Variants in ATP11C observed in about 807,000 individuals in gnomAD.
The protein encoded by ATP11C is phospholipid-transporting ATPase IG.
A neutral mutation model predicts 97.4 loss-of-function variants in ATP11C; 36 were observed. That is an observed-to-expected ratio of 0.37 (90% CI 0.28 to 0.49). The LOEUF (loss-of-function observed/expected upper bound fraction) is 0.49. Among genes scored for constraint, ATP11C ranks in the 20% least tolerant of loss-of-function variants. The probability of loss-of-function intolerance (pLI) is 0.98; values close to 1 mark genes in which losing one functional copy is unlikely to be tolerated. For synonymous variants in ATP11C, 275 were observed against 290.9 expected, an observed-to-expected ratio of 0.95 and a Z score of 0.56; for missense variants, 730 against 824.6, an observed-to-expected ratio of 0.89 and a Z score of 1.40.
chrX:139,742,665 T>C (rs1051297348), intron 26 of ATP11C, among the ~76,000 whole-genome samples: 4 of 109,312 alleles, frequency 3.7e-5, no homozygotes, highest in Non-Finnish European at 7.6e-5. Context: ...GATTCCCAAA[T>C]CATGGGCCTC....
chrX:139,913,147 T>G (rs1041864359), intron 1 of ATP11C, among the ~76,000 whole-genome samples: 1 of 111,557 alleles, frequency 9.0e-6, no homozygotes, highest in Non-Finnish European at 1.9e-5. Flanking sequence ...ATTCTGCAAC[T>G]AATTAATTGT....
chrX:139,836,107 C>T (rs1461838352), intron 1 of ATP11C, among the ~76,000 whole-genome samples: 1 of 106,846 alleles, frequency 9.4e-6, no homozygotes, highest in Non-Finnish European at 1.9e-5. Flanking sequence ...TCAGCCTAGT[C>T]CCCTAAAACA....
chrX:139,832,191 C>A, intron 1 of ATP11C: 1 of 1,207,297 alleles, frequency 8.3e-7, no homozygotes, highest in Non-Finnish European at 1.1e-6. Context: ...CATCTGCATA[C>A]TGACATGCAG....
intron 6 of ATP11C, among the ~76,000 whole-genome samples, chrX:139,803,436 G>A (rs745760060): frequency 8.1e-5 from 9 of 110,743 alleles, no homozygotes; most frequent in African/African-American, 2.6e-4. Context: ...ACCCAGAGGT[G>A]AGCCACATGA....
intron 1 of ATP11C, among the ~76,000 whole-genome samples, chrX:139,917,914 A>G (rs2085179028): frequency 1.0e-5 from 1 of 97,410 alleles, no homozygotes; most frequent in South Asian, 5.9e-4. Flanking sequence ...AGAGATCGCA[A>G]TACTGCACTT....
chrX:139,830,121 T>C (rs1340989009), intron 1 of ATP11C, among the ~76,000 whole-genome samples: 1 of 112,165 alleles, frequency 8.9e-6, no homozygotes, highest in Non-Finnish European at 1.9e-5. Flanking sequence ...TCCTTTCCAT[T>C]TGCTGGCAAA....
intron 21 of ATP11C, among the ~76,000 whole-genome samples, chrX:139,762,372 T>C (rs1410611262): frequency 8.9e-6 from 1 of 111,943 alleles, no homozygotes; most frequent in Non-Finnish European, 1.9e-5. Flanking sequence ...GTAAAAATTA[T>C]CTGAAGAAAA....
At chrX:139,773,232 AC>A (rs1268618194) in intron 19 of ATP11C, among the ~76,000 whole-genome samples, 1 of 111,490 alleles carries the variant, frequency 9.0e-6, no homozygotes, top group African/African-American at 3.3e-5. Flanking sequence ...GGCCTCCCCA[AC>A]CATGCAGAAC....
At chrX:139,821,284 G>A (rs566757820) in intron 2 of ATP11C, among the ~76,000 whole-genome samples, 3 of 111,924 alleles carry the variant, frequency 2.7e-5, no homozygotes, top group African/African-American at 9.7e-5. Context: ...CATCACTTGG[G>A]AGAAGAAGGT....
chrX:139,888,287 C>T (rs762169468), intron 1 of ATP11C, among the ~76,000 whole-genome samples: 1 of 109,420 alleles, frequency 9.1e-6, no homozygotes, highest in East Asian at 3.0e-4. Context: ...GCGCCCGCCA[C>T]AACGCCCAGC....
At chrX:139,902,501 T>A (rs983091253) in intron 1 of ATP11C, among the ~76,000 whole-genome samples, 1 of 111,913 alleles carries the variant, frequency 8.9e-6, no homozygotes, top group Non-Finnish European at 1.9e-5. Flanking sequence ...GAAAAAAATA[T>A]TAATTTTTTC....
rs751903397 is a variant in ATP11C, at chrX:139,797,342, G to A, written c.858-16C>T. The A allele has an allele frequency of 1.5e-5, 17 of 1,125,850 alleles. No individual in the cohort carries two copies. The highest frequency in any genetic ancestry group is 2.0e-5 in the Non-Finnish European group (17 of 839,133). The allele number at this position is 1,125,850 out of a possible 1,213,427, so 92.8% of individuals were successfully genotyped here. A position where few individuals can be genotyped will look rare whatever the true frequency, so the allele number is the denominator to read the frequency against. On this transcript the variant is annotated splice_polypyrimidine_tract_variant and intron_variant, in intron 10 of 29. Coordinates refer to ENST00000682941, the MANE Select transcript of ATP11C (RefSeq NM_001353812.2). ...ATTAATAGATCTGAAAAATAAGATA[G>A]CATGGATTTTAAAACCAAAGACATC...
chrX:139,730,367 AG>A (rs75047689), intron 29 of ATP11C, among the ~76,000 whole-genome samples: 2,845 of 111,044 alleles, frequency 0.026, 99 homozygotes, highest in East Asian at 0.16. Flanking sequence ...TCTGGGACAA[AG>A]GGGTCAAAGA....
intron 19 of ATP11C, among the ~76,000 whole-genome samples, chrX:139,774,354 A>G (rs913623402): frequency 8.9e-6 from 1 of 112,453 alleles, no homozygotes; most frequent in Admixed American, 9.4e-5. Context: ...ATTACATTCA[A>G]TTTAAGAGAC....
At chrX:139,901,080 C>T (rs1016233010) in intron 1 of ATP11C, among the ~76,000 whole-genome samples, 11 of 111,591 alleles carry the variant, frequency 9.9e-5, no homozygotes, top group African/African-American at 3.6e-4. Context: ...AAGAATTGAA[C>T]AATGGTGCAA....
intron 1 of ATP11C, among the ~76,000 whole-genome samples, chrX:139,888,375 T>C (rs2084679303): frequency 9.0e-6 from 1 of 110,655 alleles, no homozygotes; most frequent in African/African-American, 3.3e-5. Context: ...TCAAGTAATC[T>C]GCCCACCTTG....
chrX:139,859,580 C>T (rs1416698054), intron 1 of ATP11C, among the ~76,000 whole-genome samples: 1 of 111,944 alleles, frequency 8.9e-6, no homozygotes, highest in African/African-American at 3.2e-5. Context: ...TACAACTAGA[C>T]AAATATTGCA....
At chrX:139,837,011 T>TACAC (rs113064751) in intron 1 of ATP11C, among the ~76,000 whole-genome samples, 5 of 107,369 alleles carry the variant, frequency 4.7e-5, no homozygotes, top group African/African-American at 1.0e-4. Context: ...CACACACACA[T>TACAC]ACACACACAC....
At chrX:139,868,053 G>A (rs2084312924) in intron 1 of ATP11C, among the ~76,000 whole-genome samples, 1 of 111,928 alleles carries the variant, frequency 8.9e-6, no homozygotes, top group Admixed American at 9.5e-5. Context: ...CCAGATTTAT[G>A]AGTGGAGATG....
Sources: allele counts gnomAD v4.1 joint callset (sites outside exome capture counted in the v4.1 genomes callset), GRCh38; gene constraint gnomAD v4.1.1; transcripts MANE v1.5; gene names NCBI Gene and HGNC (gene_info 2026-07-23, HGNC 2026-07-21).